TLCD4: variants seen among roughly 807,000 people sequenced by gnomAD.
TLCD4 encodes TLC domain containing 4.
TLCD4 carries 7 observed loss-of-function variants against 24.2 expected under a neutral mutation model. The observed-to-expected ratio is 0.29, with a 90% CI of 0.16 to 0.54. The LOEUF is 0.54. Ranked by LOEUF, TLCD4 falls within the 20% of genes least tolerant of loss-of-function variation. The probability of loss-of-function intolerance (pLI) is 0.95; values close to 1 mark genes in which losing one functional copy is unlikely to be tolerated. For synonymous variants in TLCD4, 103 were observed against 106.4 expected, an observed-to-expected ratio of 0.97 and a Z score of 0.20; for missense variants, 259 against 313.9, an observed-to-expected ratio of 0.82 and a Z score of 1.32.
chr1:95,178,168 A>G (rs1678501668), intron 6 of TLCD4, among the ~76,000 whole-genome samples: 1 of 151,688 alleles, frequency 6.6e-6, no homozygotes. Flanking sequence ...GCTGGTCTTG[A>G]ACTCCTGAGC....
chr1:95,130,760 T>C (rs182860811), intron 1 of TLCD4, among the ~76,000 whole-genome samples: 1 of 152,194 alleles, frequency 6.6e-6, no homozygotes, highest in Non-Finnish European at 1.5e-5. Context: ...ACTTCTGCAG[T>C]TGATAAGAAT....
chr1:95,135,395 CTTTTTT>C lies in TLCD4; in HGVS notation c.-11-8482_-11-8477del, dbSNP rs1188061128. On this transcript the variant is annotated intron_variant, in intron 1 of 6. Coordinates refer to ENST00000370203, the MANE Select transcript of TLCD4 (RefSeq NM_152487.3). ...GTTCCTGGTCTCATTTTTTTGTACA[CTTTTTT>C]TTTTTTTTTTTTTGAGACAGAGTCT... is the stretch of plus-strand genomic sequence containing the variant. Among the ~76,000 whole-genome samples, 9 of 130,502 alleles carry C rather than the reference CTTTTTT, an allele frequency of 6.9e-5. No individual in the cohort carries two copies. The East Asian group carries it at 1.9e-3, about 28-fold the overall frequency. 85.6% of individuals were successfully genotyped at this position (130,502 alleles called of 152,430 possible). A position where few individuals can be genotyped will look rare whatever the true frequency, so the allele number is the denominator to read the frequency against.
At chr1:95,143,525 G>A (rs1677262954) in intron 1 of TLCD4, among the ~76,000 whole-genome samples, 1 of 151,694 alleles carries the variant, frequency 6.6e-6, no homozygotes, top group Admixed American at 6.6e-5. Flanking sequence ...AGAAATTGAG[G>A]GATAAAGAAA....
chr1:95,144,590 T>C (rs1341163063), intron 2 of TLCD4, among the ~76,000 whole-genome samples: 2 of 150,244 alleles, frequency 1.3e-5, no homozygotes, highest in Non-Finnish European at 3.0e-5. Context: ...AAAAATTTCT[T>C]TTTAGTTTTT....
At chr1:95,124,223 G>A (rs1401306617) in intron 1 of TLCD4, among the ~76,000 whole-genome samples, 1 of 152,218 alleles carries the variant, frequency 6.6e-6, no homozygotes, top group Non-Finnish European at 1.5e-5. Context: ...AAAGAAGATG[G>A]AAGTATAAGT....
At chr1:95,108,147 A>C in the TLCD4 span, among the ~76,000 whole-genome samples, 1 of 151,892 alleles carries the variant, frequency 6.6e-6, no homozygotes, top group Admixed American at 6.6e-5. Flanking sequence ...TAAGCTTCTT[A>C]TATATTTATC....
chr1:95,139,829 A>T (rs1557682042), intron 1 of TLCD4, among the ~76,000 whole-genome samples: 1 of 152,174 alleles, frequency 6.6e-6, no homozygotes, highest in Non-Finnish European at 1.5e-5. Flanking sequence ...GATTTTCTTT[A>T]TATCCTTATT....
chr1:95,093,454 AG>A, the TLCD4 span, among the ~76,000 whole-genome samples: 3 of 152,180 alleles, frequency 2.0e-5, no homozygotes, highest in African/African-American at 4.8e-5. Context: ...TCGGACTGTA[AG>A]CAGTCATATC....
rs2101029546 is a variant in TLCD4, at chr1:95,191,753, T to G, written c.677T>G (p.Leu226Trp). Reference protein sequence around the residue: ...QLSWVISCVVLDVMNVMWMIK... With the variant: ...QLSWVISCVVWDVMNVMWMIK... ...TCCTGGGTCATTAGTTGTGTTGTTT[T>G]GGATGTGATGAATGTCATGTGGATG... Residue 226 changes from leucine to tryptophan, a missense_variant, in exon 7 of 7, where the codon TTG (leucine) becomes TGG (tryptophan). By Grantham distance (61) the Leu-to-Trp change is moderately conservative (BLOSUM62 -2). Coordinates refer to ENST00000370203, the MANE Select transcript of TLCD4 (RefSeq NM_152487.3). 6.2e-7 allele frequency: 1 copy of G among 1,614,212 alleles called. No individual in the cohort carries two copies. The highest frequency in any genetic ancestry group is 2.2e-5 in the East Asian group (1 of 44,866).
chr1:95,128,650 G>A (rs191075566), intron 1 of TLCD4, among the ~76,000 whole-genome samples: 6 of 152,174 alleles, frequency 3.9e-5, no homozygotes, highest in East Asian at 3.9e-4. Flanking sequence ...AGGGACTCTC[G>A]GTTGTTTGAA....
chr1:95,171,726 G>A (rs752900784), intron 5 of TLCD4, among the ~76,000 whole-genome samples: 15 of 152,056 alleles, frequency 9.9e-5, no homozygotes, highest in Non-Finnish European at 2.1e-4. Context: ...TTTAATTAGG[G>A]AGATAAAACA....
At chr1:95,114,646 A>G (rs1266115705), upstream of TLCD4, among the ~76,000 whole-genome samples, 1 of 152,106 alleles carries the variant, frequency 6.6e-6, no homozygotes, top group Non-Finnish European at 1.5e-5. Context: ...CCTAGCCAAC[A>G]TGGTGAAACC....
intron 4 of TLCD4, 116 bp downstream of exon 4, chr1:95,150,382 A>G: frequency 2.2e-6 from 3 of 1,343,876 alleles, no homozygotes; most frequent in Non-Finnish European, 3.0e-6. Flanking sequence ...GGAAGCATAC[A>G]GAGGAAAAAA....
intron 1 of TLCD4, among the ~76,000 whole-genome samples, chr1:95,125,884 G>C (rs1676718949): frequency 6.6e-6 from 1 of 152,190 alleles, no homozygotes; most frequent in East Asian, 1.9e-4. Flanking sequence ...GGCCATAGTG[G>C]CTCAGACCTG....
chr1:95,102,825 C>G, the TLCD4 span, among the ~76,000 whole-genome samples: 1 of 152,100 alleles, frequency 6.6e-6, no homozygotes, highest in African/African-American at 2.4e-5. Context: ...ATTATCAAAA[C>G]TTTGAGATGG....
At chr1:95,145,014 A>T (rs1677307767) in intron 2 of TLCD4, among the ~76,000 whole-genome samples, 1 of 152,128 alleles carries the variant, frequency 6.6e-6, no homozygotes, top group African/African-American at 2.4e-5. Context: ...GTTGGTTGCA[A>T]TTTTTTTGTG....
At position 95,191,787 on chromosome 1, in the gene TLCD4, T is replaced by C. The variant is rs1190373278; in HGVS notation, c.711T>C (p.Ile237=). The part of the protein sequence containing the change: ...DVMNVMWMIK[I]SKGCIKVISH... ...TGAATGTCATGTGGATGATCAAAATTTCAAAAGGTTGCATCAAAGTCATCT... is the reference window on the plus strand; with the variant it reads ...TGAATGTCATGTGGATGATCAAAATCTCAAAAGGTTGCATCAAAGTCATCT... Residue 237 remains isoleucine (I), a synonymous_variant, in exon 7 of 7, where the codon ATT becomes ATC. Coordinates refer to ENST00000370203, the MANE Select transcript of TLCD4 (RefSeq NM_152487.3). 6.2e-7 allele frequency: 1 copy of C among 1,614,118 alleles called. No homozygotes were observed. Among genetic ancestry groups the C allele is most frequent in the Admixed American group, 1.7e-5 (1 of 60,012 alleles).
rs746079108 is a variant in TLCD4, at chr1:95,143,994, A to C, written c.93A>C (p.Ser31=). ...TCTACTTTGTAAGTTACTGGTTTTCAGCAAAAGTTTCTCCAGGTTTCAATA... is the reference window on the plus strand; with the variant it reads ...TCTACTTTGTAAGTTACTGGTTTTCCGCAAAAGTTTCTCCAGGTTTCAATA... ...LLFYFVSYWF[S]AKVSPGFNSL... The change falls in exon 2 of 7, where the codon TCA becomes TCC. Residue 31 remains serine, a synonymous_variant. Transcript: ENST00000370203. 1.3e-6 allele frequency: 2 copies of C among 1,574,668 alleles called. No homozygotes were observed. The highest frequency in any genetic ancestry group is 2.4e-5 in the South Asian group (2 of 84,302).
At chr1:95,128,931 C>CGTTG (rs1243053792) in intron 1 of TLCD4, among the ~76,000 whole-genome samples, 1 of 152,210 alleles carries the variant, frequency 6.6e-6, no homozygotes, top group African/African-American at 2.4e-5. Context: ...AGTTGTGACT[C>CGTTG]AACTGTCAGA....
Sources: allele counts gnomAD v4.1 joint callset (sites outside exome capture counted in the v4.1 genomes callset), GRCh38; gene constraint gnomAD v4.1.1; transcripts MANE v1.5; gene names NCBI Gene and HGNC (gene_info 2026-07-23, HGNC 2026-07-21).